The following MRS2 variants were observed in gnomAD, a reference collection of about 807,000 sequenced individuals.
MRS2 encodes magnesium transporter MRS2 homolog, mitochondrial.
In MRS2, 40 loss-of-function variants were observed where a neutral mutation model predicts 52.6. That is an observed-to-expected ratio of 0.76 (90% CI 0.59 to 0.99). The LOEUF (loss-of-function observed/expected upper bound fraction) is 0.99. Among genes scored for constraint, MRS2 ranks in the 50% least tolerant of loss-of-function variants. The pLI, the probability that MRS2 is intolerant of heterozygous loss-of-function variation, is 0.00. For missense variants in MRS2, 472 were observed against 532.7 expected (o/e 0.89, Z 1.12); for synonymous variants, 193 against 195.9 (o/e 0.98, Z 0.13).
At chr6:24,422,760 T>C (rs977161236) in intron 9 of MRS2, among the ~76,000 whole-genome samples, 177 bp from the exon 10 acceptor site, 10 of 151,206 alleles carry the variant, frequency 6.6e-5, no homozygotes, top group African/African-American at 2.0e-4. Context: ...TAAATCATGT[T>C]CTTCTCCTGC....
intron 8 of MRS2, 91 bp from the exon 9 acceptor site, chr6:24,418,370 G>C: frequency 6.5e-7 from 1 of 1,547,842 alleles, no homozygotes; most frequent in Non-Finnish European, 8.7e-7. Context: ...TTGTTGTGTA[G>C]GTTTCATCCA....
Position 24,414,270 on chromosome 6 carries a change from T to C in MRS2, c.589-763T>C, listed in dbSNP as rs539143383. Among the ~76,000 whole-genome samples the C allele has an allele frequency of 2.9e-3, 438 of 152,244 alleles. 1 individual carries two copies. The highest frequency in any genetic ancestry group is 4.2e-3 in the Non-Finnish European group (283 of 67,990). ...AGATAAACATGTGAACAAGGGTCTC[T>C]GGTTTTCCTAGGAAGAGGACCCTGC... is the stretch of plus-strand genomic sequence containing the variant. On this transcript the variant is annotated intron_variant, in intron 5 of 10. Transcript: ENST00000378386.
intron 1 of MRS2, 102 bp from the exon 2 acceptor site, chr6:24,405,066 A>G (rs1761417180): frequency 2.9e-6 from 2 of 683,652 alleles, no homozygotes; most frequent in African/African-American, 3.7e-5. Context: ...TTTAAAAATA[A>G]TAAAATAGTC....
chr6:24,424,648 ACCTT>A lies in MRS2; in HGVS notation c.*955_*958del, dbSNP rs1175657522. The A allele has an allele frequency of 6.6e-6, 1 of 152,044 alleles. No homozygotes were observed. The highest frequency in any genetic ancestry group is 1.5e-5 in the Non-Finnish European group (1 of 68,006). The allele number at this position is 152,044 out of a possible 1,614,324, so 9.4% of individuals were successfully genotyped here. On this transcript the variant is annotated 3_prime_UTR_variant, in exon 11 of 11. Transcript: ENST00000378386. ...TGCCATCCTCTTTAACATCCTACCT[ACCTT>A]TTAAAATATTTTCTGGAGGTTAAGT...
intron 4 of MRS2, among the ~76,000 whole-genome samples, chr6:24,411,661 C>T (rs964587254): frequency 3.9e-5 from 6 of 152,200 alleles, no homozygotes; most frequent in Non-Finnish European, 8.8e-5. Context: ...GCCTCAGCCT[C>T]TGAAGTAGCT....
intron 5 of MRS2, 109 bp downstream of exon 5, chr6:24,412,504 C>T: frequency 1.3e-6 from 1 of 781,676 alleles, no homozygotes; most frequent in Non-Finnish European, 1.9e-6. Flanking sequence ...TGACCACATC[C>T]TGCCCCGAAA....
intron 5 of MRS2, among the ~76,000 whole-genome samples, chr6:24,413,295 A>G (rs954328296): frequency 1.3e-5 from 2 of 152,102 alleles, no homozygotes; most frequent in African/African-American, 4.8e-5. Flanking sequence ...TCCGGCCTAG[A>G]GATTGGCTGT....
intron 2 of MRS2, among the ~76,000 whole-genome samples, chr6:24,406,612 A>G (rs775614246): frequency 6.6e-5 from 10 of 152,082 alleles, no homozygotes; most frequent in Non-Finnish European, 1.0e-4. Context: ...CGTCTCTACT[A>G]AAAAACAAAA....
intron 5 of MRS2, 142 bp downstream of exon 5, chr6:24,412,537 C>A: frequency 1.9e-6 from 1 of 523,886 alleles, no homozygotes; most frequent in Non-Finnish European, 3.3e-6. Context: ...AAGGATCCTA[C>A]ATGGAGATAT....
In MRS2 at chr6:24,412,528, AGGATCCT is replaced by A. The variant is rs375977150; in HGVS notation, c.588+134_588+140del. ...CCTGCCCCGAAACAAGTCGTCTCTA[AGGATCCT>A]ACATGGAGATATCACTTAATTCTTA... is the stretch of plus-strand genomic sequence containing the variant. On this transcript the variant is annotated intron_variant, in intron 5 of 10. Transcript: ENST00000378386. 6.2e-5 allele frequency: 36 copies of A among 576,040 alleles called. No individual in the cohort carries two copies. The African/African-American group carries it at 6.4e-4, about 10-fold the overall frequency. 35.7% of individuals were successfully genotyped at this position (576,040 alleles called of 1,614,324 possible). A position where few individuals can be genotyped will look rare whatever the true frequency, so the allele number is the denominator to read the frequency against.
chr6:24,421,008 G>C (rs1762025977), intron 9 of MRS2, among the ~76,000 whole-genome samples: 1 of 152,132 alleles, frequency 6.6e-6, no homozygotes, highest in South Asian at 2.1e-4. Context: ...AGAATACCTT[G>C]TGCAACATAA....
At chr6:24,423,360 G>T in intron 10 of MRS2, 1 of 485,770 alleles carries the variant, frequency 2.1e-6, no homozygotes, top group East Asian at 3.3e-5. Context: ...TATAAGGTTT[G>T]TCATAACCAA....
rs1761370033 is a variant in MRS2 at position 24,403,823 on chromosome 6, T to G, written c.190+587T>G. On this transcript the variant is annotated intron_variant, in intron 1 of 10. Coordinates refer to ENST00000378386, the MANE Select transcript of MRS2 (RefSeq NM_020662.4). The stretch of plus-strand genomic sequence containing the variant: ...CGTTATGGACACATTTATACAGTTG[T>G]CCAGTTGCACGGAGATTGGGGACGC... 1.3e-5 allele frequency among the ~76,000 whole-genome samples: 2 copies of G among 152,204 alleles called. 1 individual carries two copies. Among genetic ancestry groups the G allele is most frequent in the Admixed American group, 1.3e-4 (2 of 15,278 alleles).
chr6:24,413,711 A>G (rs1761743642), intron 5 of MRS2, among the ~76,000 whole-genome samples: 1 of 152,254 alleles, frequency 6.6e-6, no homozygotes, highest in Admixed American at 6.5e-5. Context: ...CTGCAGAGGC[A>G]CTGTGACTCT....
chr6:24,422,887 T>G, intron 9 of MRS2, 50 bp from the exon 10 acceptor site: 1 of 1,281,966 alleles, frequency 7.8e-7, no homozygotes, highest in Non-Finnish European at 1.1e-6. Flanking sequence ...CAAGGAATCT[T>G]CTAAGGAACC....
At chr6:24,417,679 C>G (rs1188733474) in intron 7 of MRS2, among the ~76,000 whole-genome samples, 1 of 152,072 alleles carries the variant, frequency 6.6e-6, no homozygotes, top group Admixed American at 6.5e-5. Flanking sequence ...CGCTGTGGCT[C>G]ATGCCTGTAA....
In MRS2 at chr6:24,416,581, G is replaced by T. The variant is rs1761857703; in HGVS notation, c.836+68G>T. 3.6e-6 allele frequency: 3 copies of T among 842,270 alleles called. No individual in the cohort carries two copies. The East Asian group carries it at 7.3e-5, about 21-fold the overall frequency. The allele number at this position is 842,270 out of a possible 1,614,324, so 52.2% of individuals were successfully genotyped here. On this transcript the variant is annotated intron_variant, in intron 7 of 10. Coordinates refer to ENST00000378386, the MANE Select transcript of MRS2 (RefSeq NM_020662.4). ...AATCTTTTGCCTTTTCCACTTCAAG[G>T]TGATTTTTCATACAGAATGTAACAT...
intron 7 of MRS2, 86 bp downstream of exon 7, chr6:24,416,599 T>C (rs1464238512): frequency 2.6e-6 from 2 of 776,428 alleles, no homozygotes; most frequent in Non-Finnish European, 2.2e-6. Flanking sequence ...TCATACAGAA[T>C]GTAACATTTT....
At chr6:24,423,282 A>G (rs561726776) in intron 10 of MRS2, 5 of 490,850 alleles carry the variant, frequency 1.0e-5, no homozygotes, top group Admixed American at 3.6e-5. Flanking sequence ...GCCTAACACA[A>G]TAAGTTAGAA....
Sources: allele counts gnomAD v4.1 joint callset (sites outside exome capture counted in the v4.1 genomes callset), GRCh38; gene constraint gnomAD v4.1.1; transcripts MANE v1.5; gene names NCBI Gene and HGNC (gene_info 2026-07-23, HGNC 2026-07-21).